The following MED27 variants were observed in gnomAD, a reference collection of about 807,000 sequenced individuals.
The protein encoded by MED27 is mediator complex subunit 27, also known as mediator of RNA polymerase II transcription subunit 27.
In MED27, 30 loss-of-function variants were observed where a neutral mutation model predicts 38.2. The observed-to-expected ratio is 0.79, with a 90% confidence interval of 0.59 to 1.07. The LOEUF (loss-of-function observed/expected upper bound fraction) is 1.07, where lower values mean the gene tolerates loss of function less well. MED27 is among the 50% of genes least tolerant of loss of function. The pLI, the probability that MED27 is intolerant of heterozygous loss-of-function variation, is 0.00. For missense variants in MED27, 289 were observed against 397.5 expected (o/e 0.73, Z 2.32); for synonymous variants, 122 against 153.5 (o/e 0.79, Z 1.52).
chr9:131,888,370 G>A (rs1303218610), intron 5 of MED27, among the ~76,000 whole-genome samples: 3 of 152,196 alleles, frequency 2.0e-5, no homozygotes, highest in Non-Finnish European at 4.4e-5. Context: ...TGTGTGCAGA[G>A]GCCCAGCTCT....
intron 6 of MED27, among the ~76,000 whole-genome samples, chr9:131,867,501 C>T (rs1466324120): frequency 1.3e-5 from 2 of 152,248 alleles, no homozygotes; most frequent in Non-Finnish European, 2.9e-5. Flanking sequence ...TGGATATTCA[C>T]TGCACATCTA....
At chr9:132,069,127 C>G (rs1335669884) in intron 2 of MED27, among the ~76,000 whole-genome samples, 1 of 152,152 alleles carries the variant, frequency 6.6e-6, no homozygotes, top group Admixed American at 6.5e-5. Flanking sequence ...GTACAGAAGG[C>G]TCTGGACAAA....
intron 3 of MED27, among the ~76,000 whole-genome samples, chr9:131,995,083 G>A (rs1440008205): frequency 6.6e-6 from 1 of 152,142 alleles, no homozygotes; most frequent in Non-Finnish European, 1.5e-5. Flanking sequence ...AAGACTCATG[G>A]GCAGCAGTGA....
chr9:132,015,093 T>C (rs527790437), intron 2 of MED27, among the ~76,000 whole-genome samples: 26 of 152,338 alleles, frequency 1.7e-4, no homozygotes, highest in African/African-American at 5.1e-4. Context: ...TGGCTTATCA[T>C]ACACAGATTC....
At chr9:131,972,079 C>G (rs1831491266) in intron 3 of MED27, among the ~76,000 whole-genome samples, 1 of 152,162 alleles carries the variant, frequency 6.6e-6, no homozygotes, top group African/African-American at 2.4e-5. Flanking sequence ...CCTCTTAATT[C>G]TAGTACAGAC....
At chr9:131,969,375 G>A (rs569377768) in intron 3 of MED27, among the ~76,000 whole-genome samples, 2 of 152,160 alleles carry the variant, frequency 1.3e-5, no homozygotes, top group East Asian at 1.9e-4. Flanking sequence ...TTTTGGTGAC[G>A]GTTGATTCAG....
At chr9:132,018,918 T>C (rs1421066062) in intron 2 of MED27, among the ~76,000 whole-genome samples, 1 of 152,216 alleles carries the variant, frequency 6.6e-6, no homozygotes, top group African/African-American at 2.4e-5. Flanking sequence ...TTTATTTTTT[T>C]TTTAAATCAC....
At chr9:132,026,477 T>C (rs549173752) in intron 2 of MED27, among the ~76,000 whole-genome samples, 1 of 152,346 alleles carries the variant, frequency 6.6e-6, no homozygotes, top group Admixed American at 6.5e-5. Flanking sequence ...TTTGTGTATC[T>C]ACCTTTACTC....
At chr9:132,020,406 C>T (rs1210129444) in intron 2 of MED27, among the ~76,000 whole-genome samples, 1 of 152,180 alleles carries the variant, frequency 6.6e-6, no homozygotes, top group Non-Finnish European at 1.5e-5. Context: ...GAACAATCCA[C>T]ACTGTGTACA....
chr9:131,894,352 A>C (rs1183213399), intron 4 of MED27, among the ~76,000 whole-genome samples: 12 of 152,200 alleles, frequency 7.9e-5, no homozygotes, highest in Admixed American at 6.5e-4. Context: ...TGGCAATTAT[A>C]GGATTTAGTG....
At chr9:131,964,173 G>C (rs1186241494) in intron 3 of MED27, among the ~76,000 whole-genome samples, 1 of 151,818 alleles carries the variant, frequency 6.6e-6, no homozygotes, top group Non-Finnish European at 1.5e-5. Context: ...GATTGTAGTT[G>C]CACCTAGTTC....
intron 6 of MED27, among the ~76,000 whole-genome samples, chr9:131,880,657 G>A (rs1839020270): frequency 1.3e-5 from 2 of 152,194 alleles, no homozygotes; most frequent in Non-Finnish European, 2.9e-5. Flanking sequence ...TGGAAGGAAG[G>A]AATTGGCGGA....
rs1838897779 is a variant in MED27, at chr9:131,874,665, TCTGC to T, written c.723+9389_723+9392del. On this transcript the variant is annotated intron_variant, in intron 6 of 7. Transcript: ENST00000292035. The stretch of plus-strand genomic sequence containing the variant: ...TCCAGGGTCCTGACCGCCTTCGGCG[TCTGC>T]CGAAGGCCCTGTGCGTAGCTGCGAG... Among the ~76,000 whole-genome samples the T allele has an allele frequency of 2.6e-5, 4 of 152,286 alleles. No individual in the cohort carries two copies. In the South Asian group the frequency reaches 8.3e-4, roughly 32 times the overall value.
intron 2 of MED27, among the ~76,000 whole-genome samples, chr9:132,050,493 A>G (rs1470689066): frequency 2.0e-5 from 3 of 152,244 alleles, no homozygotes; most frequent in African/African-American, 7.2e-5. Context: ...CAATGAAGAC[A>G]GTCGCTCTGT....
intron 3 of MED27, among the ~76,000 whole-genome samples, chr9:131,967,850 G>A (rs1258362969): frequency 1.5e-5 from 2 of 129,850 alleles, no homozygotes; most frequent in African/African-American, 3.0e-5. Flanking sequence ...ACGGAGTCTC[G>A]CTCTGCCGCC....
chr9:131,868,949 C>T (rs1838781694), intron 6 of MED27: 1 of 985,458 alleles, frequency 1.0e-6, no homozygotes, highest in East Asian at 1.1e-4. Flanking sequence ...TGCGCCACAG[C>T]CCTGCTGGGC....
intron 4 of MED27, among the ~76,000 whole-genome samples, chr9:131,904,643 G>A (rs1830020595): frequency 1.3e-5 from 2 of 152,142 alleles, no homozygotes; most frequent in South Asian, 4.1e-4. Flanking sequence ...ACAGGTGTGA[G>A]TCATTGCACC....
chr9:132,049,717 A>G (rs1833419420), intron 2 of MED27, among the ~76,000 whole-genome samples: 1 of 152,180 alleles, frequency 6.6e-6, no homozygotes, highest in Non-Finnish European at 1.5e-5. Context: ...AAGCAATGTG[A>G]GCACTCCGAA....
chr9:132,014,494 G>A lies in MED27; in HGVS notation c.349-27C>T, dbSNP rs767544600. On this transcript the variant is annotated intron_variant, in intron 2 of 7. Transcript: ENST00000292035. ...TGCAGAGAAAAACAAAACAAAAGGG[G>A]AAGAAAAATAGCATTTGGTAAAAGT... 4 of 1,605,352 alleles carry A rather than the reference G, an allele frequency of 2.5e-6. No homozygotes were observed. In the African/African-American group the frequency reaches 5.4e-5, roughly 22 times the overall value.
Sources: gnomAD v4.1 joint callset for allele counts (sites outside exome capture counted in the v4.1 genomes callset) on GRCh38, gnomAD v4.1.1 for gene constraint, MANE v1.5 for transcripts, NCBI Gene and HGNC (gene_info 2026-07-23, HGNC 2026-07-21) for gene names.